KAT6A: variants seen among roughly 807,000 people sequenced by gnomAD.
KAT6A encodes lysine acetyltransferase 6A.
KAT6A carries 9 observed loss-of-function variants against 198.4 expected under a neutral mutation model. The observed-to-expected ratio is 0.05, with a 90% confidence interval of 0.03 to 0.08. The LOEUF is 0.08. Among genes scored for constraint, KAT6A ranks in the 10% least tolerant of loss-of-function variants. The pLI, the probability that KAT6A is intolerant of heterozygous loss-of-function variation, is 1.00. For synonymous variants in KAT6A, 890 were observed against 883.0 expected, an observed-to-expected ratio of 1.01 and a Z score of -0.14; for missense variants, 2,077 against 2,509.9, an observed-to-expected ratio of 0.83 and a Z score of 3.69.
intron 2 of KAT6A, among the ~76,000 whole-genome samples, chr8:42,000,726 T>C (rs188891829): frequency 9.3e-4 from 141 of 152,256 alleles, no homozygotes; most frequent in African/African-American, 3.3e-3. Flanking sequence ...TCAAGACCTA[T>C]GAAGAACAAT....
At chr8:42,013,513 G>T (rs756454006) in intron 2 of KAT6A, among the ~76,000 whole-genome samples, 3 of 152,120 alleles carry the variant, frequency 2.0e-5, no homozygotes, top group African/African-American at 7.2e-5. Context: ...GATTACAGGC[G>T]TAAGCCACCA....
chr8:42,021,958 A>G (rs1826558381), intron 2 of KAT6A, among the ~76,000 whole-genome samples: 1 of 152,156 alleles, frequency 6.6e-6, no homozygotes, highest in Non-Finnish European at 1.5e-5. Context: ...AACTCAGTTA[A>G]TACTTTTAAT....
chr8:42,045,451 A>G (rs1024481664), intron 2 of KAT6A, among the ~76,000 whole-genome samples: 33 of 151,928 alleles, frequency 2.2e-4, no homozygotes, highest in African/African-American at 8.0e-4. Context: ...AATCCCAGCT[A>G]CATGGGAGGC....
chr8:41,978,815 A>G, intron 5 of KAT6A, 38 bp from the exon 6 acceptor site: 1 of 1,579,062 alleles, frequency 6.3e-7, no homozygotes, highest in Non-Finnish European at 8.7e-7. Context: ...AGTGTGACAG[A>G]CATAAATACA....
At chr8:41,971,400 G>C (rs1823788012) in intron 8 of KAT6A, among the ~76,000 whole-genome samples, 1 of 152,058 alleles carries the variant, frequency 6.6e-6, no homozygotes. Flanking sequence ...GACCTAAATG[G>C]AATGGGCAGT....
chr8:42,034,779 A>T (rs959058648), intron 2 of KAT6A, among the ~76,000 whole-genome samples: 32 of 152,220 alleles, frequency 2.1e-4, no homozygotes, highest in African/African-American at 7.0e-4. Context: ...CATTTCCATC[A>T]TTGCACAAAG....
chr8:42,011,877 T>TG (rs1440541095), intron 2 of KAT6A, among the ~76,000 whole-genome samples: 1 of 133,860 alleles, frequency 7.5e-6, no homozygotes, highest in Non-Finnish European at 1.6e-5. Context: ...AACAGAGGTG[T>TG]GGGGAAAAAA....
chr8:41,968,263 C>T lies in KAT6A; in HGVS notation c.1482+6441G>A, dbSNP rs556272205. Among the ~76,000 whole-genome samples the T allele has an allele frequency of 2.3e-3, 355 of 152,078 alleles. 1 individual carries two copies. Among genetic ancestry groups the T allele is most frequent in the Non-Finnish European group, 2.8e-3 (193 of 67,980 alleles). Reference sequence around the variant, plus strand: ...TAATATACAGAATCTACAATGAACTCAAACAAATTTACAAGAAAAAAACAA... The same window carrying T: ...TAATATACAGAATCTACAATGAACTTAAACAAATTTACAAGAAAAAAACAA... On this transcript the variant is annotated intron_variant, in intron 8 of 16. Transcript: ENST00000265713.
chr8:42,024,569 C>T (rs2150917887), intron 2 of KAT6A, among the ~76,000 whole-genome samples: 1 of 152,218 alleles, frequency 6.6e-6, no homozygotes, highest in Admixed American at 6.5e-5. Context: ...TACCCATTAA[C>T]CTCTCTTCAT....
At chr8:42,007,857 G>A (rs1825821767) in intron 2 of KAT6A, among the ~76,000 whole-genome samples, 1 of 151,058 alleles carries the variant, frequency 6.6e-6, no homozygotes, top group Admixed American at 6.6e-5. Flanking sequence ...AGCTACTCAG[G>A]AGGCTGAGGC....
At chr8:41,986,996 C>A (rs1363698783) in intron 3 of KAT6A, among the ~76,000 whole-genome samples, 3 of 152,148 alleles carry the variant, frequency 2.0e-5, no homozygotes, top group African/African-American at 7.2e-5. Flanking sequence ...CAAGATCACG[C>A]CACTACACTC....
At chr8:42,032,730 G>A (rs1827187827) in intron 2 of KAT6A, among the ~76,000 whole-genome samples, 1 of 152,078 alleles carries the variant, frequency 6.6e-6, no homozygotes, top group African/African-American at 2.4e-5. Flanking sequence ...ACAGGAAGTG[G>A]GATGGCATCA....
intron 14 of KAT6A, chr8:41,941,970 A>T (rs543040599): frequency 1.1e-5 from 2 of 177,302 alleles, no homozygotes; most frequent in African/African-American, 4.7e-5. Flanking sequence ...AATATGAAAG[A>T]AAGTTTATGT....
chr8:41,942,269 C>T (rs1313132771), intron 14 of KAT6A: 1 of 225,206 alleles, frequency 4.4e-6, no homozygotes, highest in African/African-American at 2.2e-5. Context: ...ACAATAGTTA[C>T]TTAATATTCT....
chr8:41,982,002 T>C lies in KAT6A; in HGVS notation c.710-48A>G, dbSNP rs376282315. ...TGAATGAAACAATCAAGAACTATTTTGCTATTATAGTACTAAAGAAATGAT... is the reference window on the plus strand; with the variant it reads ...TGAATGAAACAATCAAGAACTATTTCGCTATTATAGTACTAAAGAAATGAT... On this transcript the variant is annotated intron_variant, in intron 3 of 16. Transcript: ENST00000265713. The C allele has an allele frequency of 1.1e-5, 12 of 1,111,428 alleles. No homozygotes were observed. The African/African-American group carries it at 1.7e-4, about 16-fold the overall frequency. The allele number at this position is 1,111,428 out of a possible 1,614,324, so 68.8% of individuals were successfully genotyped here. A position where few individuals can be genotyped will look rare whatever the true frequency, so the allele number is the denominator to read the frequency against.
chr8:42,006,527 T>C (rs914784567), intron 2 of KAT6A, among the ~76,000 whole-genome samples: 3 of 151,790 alleles, frequency 2.0e-5, no homozygotes, highest in Admixed American at 6.6e-5. Flanking sequence ...TACTCACTGG[T>C]TGAGCATCCC....
chr8:41,994,375 C>T (rs1170452689), intron 2 of KAT6A, among the ~76,000 whole-genome samples: 1 of 152,200 alleles, frequency 6.6e-6, no homozygotes, highest in Non-Finnish European at 1.5e-5. Flanking sequence ...CCCTCAGTTA[C>T]CTGCCTGACC....
intron 8 of KAT6A, among the ~76,000 whole-genome samples, chr8:41,961,831 C>G (rs1352881032): frequency 6.6e-6 from 1 of 151,350 alleles, no homozygotes; most frequent in African/African-American, 2.4e-5. Context: ...CTCCTAATTA[C>G]TGTAAAAAAC....
Position 41,934,714 on chromosome 8 carries a change from C to T in KAT6A, c.3506G>A (p.Arg1169Gln), listed in dbSNP as rs752123557. The T allele has an allele frequency of 2.5e-6, 4 of 1,614,152 alleles. No individual in the cohort carries two copies. Among genetic ancestry groups the T allele is most frequent in the Non-Finnish European group, 2.5e-6 (3 of 1,180,022 alleles). Reference protein sequence around the residue: ...KPIHWKKRPGRKPGFKLSREI... With the variant: ...KPIHWKKRPGQKPGFKLSREI... ...CCGACTCAACTTAAATCCTGGTTTT[C>T]GACCAGGTCTTTTCTTCCAGTGGAT... The change falls in exon 17 of 17, where the codon CGA becomes CAA. Residue 1169 changes from arginine to glutamine, a missense_variant. Transcript: ENST00000265713.
Sources: allele counts gnomAD v4.1 joint callset (sites outside exome capture counted in the v4.1 genomes callset), GRCh38; gene constraint gnomAD v4.1.1; transcripts MANE v1.5; gene names NCBI Gene and HGNC (gene_info 2026-07-23, HGNC 2026-07-21).